The following C12orf75 variants were observed in gnomAD, a reference collection of about 807,000 sequenced individuals.
C12orf75 encodes chromosome 12 open reading frame 75.
In C12orf75, 4 loss-of-function variants were observed where a neutral mutation model predicts 11.4. The ratio of observed to expected loss-of-function variants is 0.35; its 90% CI spans 0.17 to 0.80. The LOEUF is 0.80. C12orf75 is among the 30% of genes least tolerant of loss of function. The pLI is 0.52. For missense variants in C12orf75, 89 were observed against 80.4 expected, an observed-to-expected ratio of 1.11 and a Z score of -0.41; for synonymous variants, 30 against 30.0, an observed-to-expected ratio of 1.00 and a Z score of 0.00.
chr12:105,331,087 C>A (rs924832591), intron 1 of C12orf75, 150 bp downstream of exon 1: 11 of 492,826 alleles, frequency 2.2e-5, no homozygotes, highest in Non-Finnish European at 3.5e-5. Flanking sequence ...CTGGAAAGAC[C>A]GAAAGCGTGG....
At chr12:105,366,100 T>G (rs1871466084) in intron 3 of C12orf75, 2 of 455,192 alleles carry the variant, frequency 4.4e-6, no homozygotes, top group African/African-American at 4.0e-5. Context: ...GGTGTGCTCT[T>G]CTCCCTAACT....
chr12:105,357,717 A>G lies in C12orf75; in HGVS notation c.72-8090A>G, dbSNP rs566743775. On this transcript the variant is annotated intron_variant, in intron 2 of 5. Transcript: ENST00000443585. ...TTGATCACCTGTTCTTTGATAAAAG[A>G]AGCTACATTTTTTTGCTAACAAAAG... is the stretch of plus-strand genomic sequence containing the variant. 3.3e-5 allele frequency among the ~76,000 whole-genome samples: 5 copies of G among 152,098 alleles called. No homozygotes were observed. In the East Asian group the frequency reaches 9.6e-4, roughly 29 times the overall value.
intron 1 of C12orf75, among the ~76,000 whole-genome samples, chr12:105,347,757 C>T (rs376814849): frequency 3.3e-5 from 5 of 152,176 alleles, no homozygotes; most frequent in Non-Finnish European, 5.9e-5. Context: ...ATCAAGTAGA[C>T]GCTCAGTATT....
rs113692026 is a variant in C12orf75 at position 105,364,789 on chromosome 12, C to A, written c.72-1018C>A. Among the ~76,000 whole-genome samples, 1,149 of 149,994 alleles carry A rather than the reference C, an allele frequency of 7.7e-3. 16 individuals carry two copies. Among genetic ancestry groups the A allele is most frequent in the African/African-American group, 0.027 (1,093 of 40,702 alleles). On this transcript the variant is annotated intron_variant, in intron 2 of 5. Transcript: ENST00000443585. ...CAACTAGTGCTTCAAGGAAAGTGTC[C>A]TGATTCTCTTAGAAATACGCCAAGG...
chr12:105,360,275 T>C (rs1224407675), intron 2 of C12orf75, among the ~76,000 whole-genome samples: 2 of 152,232 alleles, frequency 1.3e-5, no homozygotes, highest in Non-Finnish European at 2.9e-5. Flanking sequence ...CAATCACGGC[T>C]GCAGAGCATG....
intron 1 of C12orf75, among the ~76,000 whole-genome samples, chr12:105,344,964 G>GC (rs35063729): frequency 0.47 from 68,753 of 144,930 alleles, 16,609 homozygotes; most frequent in Non-Finnish European, 0.52. Flanking sequence ...AAAATTCTAA[G>GC]CCCCCCCCCA....
chr12:105,359,004 T>C (rs538193597), intron 2 of C12orf75, among the ~76,000 whole-genome samples: 1 of 152,300 alleles, frequency 6.6e-6, no homozygotes, highest in East Asian at 1.9e-4. Context: ...ATGGACTTAA[T>C]GTCTAGCATA....
At chr12:105,344,945 C>T (rs1226764335) in intron 1 of C12orf75, among the ~76,000 whole-genome samples, 3 of 146,972 alleles carry the variant, frequency 2.0e-5, no homozygotes, top group Non-Finnish European at 4.5e-5. Context: ...TCTTTTTAGA[C>T]GTAAGCTGAA....
chr12:105,368,304 A>T (rs1022508547), intron 5 of C12orf75, among the ~76,000 whole-genome samples: 4 of 152,128 alleles, frequency 2.6e-5, no homozygotes, highest in African/African-American at 9.7e-5. Context: ...CTGGTGAATG[A>T]CACCCAACCT....
At chr12:105,347,084 G>A (rs61939073) in intron 1 of C12orf75, among the ~76,000 whole-genome samples, 46,732 of 152,120 alleles carry the variant, frequency 0.31, 7,148 homozygotes, top group Non-Finnish European at 0.31. Context: ...GTTAAAGGAT[G>A]CTTAATACCA....
chr12:105,332,382 A>G (rs1892441370), intron 1 of C12orf75, among the ~76,000 whole-genome samples: 1 of 152,192 alleles, frequency 6.6e-6, no homozygotes, highest in African/African-American at 2.4e-5. Context: ...TGATTTATTA[A>G]TGAACTGCTT....
chr12:105,357,807 T>TGTGTGTGTGTGTGTGTGAGA (rs1491090986), intron 2 of C12orf75, among the ~76,000 whole-genome samples: 2 of 122,966 alleles, frequency 1.6e-5, no homozygotes, highest in South Asian at 2.8e-4. Flanking sequence ...TGTGTGTGTG[T>TGTGTGTGTGTGTGTGTGAGA]GAGAGAGAGA....
At chr12:105,333,809 C>T (rs1286408772) in intron 1 of C12orf75, among the ~76,000 whole-genome samples, 2 of 152,032 alleles carry the variant, frequency 1.3e-5, no homozygotes, top group African/African-American at 4.8e-5. Context: ...AGTGGTTTTC[C>T]TTGAATATTT....
chr12:105,363,438 G>T (rs1249030808), intron 2 of C12orf75, among the ~76,000 whole-genome samples: 1 of 152,212 alleles, frequency 6.6e-6, no homozygotes, highest in African/African-American at 2.4e-5. Context: ...TTAAAAGAGT[G>T]GATATCTGGC....
rs930267384 is a variant in C12orf75 at position 105,330,702 on chromosome 12, G to C, written c.-190G>C. The stretch of plus-strand genomic sequence containing the variant: ...GAGGGGTGCCGGGTGGTTTCCGCCC[G>C]GCAGCCCGCAGCCCGCTGCGCCCCG... On this transcript the variant is annotated 5_prime_UTR_variant, in exon 1 of 6. Transcript: ENST00000443585. 4 of 412,668 alleles carry C rather than the reference G, an allele frequency of 9.7e-6. No individual in the cohort carries two copies. The highest frequency in any genetic ancestry group is 1.5e-5 in the Non-Finnish European group (4 of 274,656). 25.6% of individuals were successfully genotyped at this position (412,668 alleles called of 1,614,324 possible).
At chr12:105,347,555 A>G in intron 1 of C12orf75, among the ~76,000 whole-genome samples, 1 of 152,206 alleles carries the variant, frequency 6.6e-6, no homozygotes, top group East Asian at 1.9e-4. Context: ...GAAGGCCAGA[A>G]AGCTCAGCAA....
chr12:105,362,369 A>G (rs2136150725), intron 2 of C12orf75, among the ~76,000 whole-genome samples: 1 of 112,096 alleles, frequency 8.9e-6, no homozygotes, highest in African/African-American at 3.8e-5. Context: ...TGGGCGACAG[A>G]GCGAGACTCC....
rs1377295396 is a variant in C12orf75, at chr12:105,370,581, C to T, written c.*34-53C>T. ...GGCTTAAGGCTAATACATTTTTTAA[C>T]CTAAGTTGTACCTGTTTGCTCACTC... On this transcript the variant is annotated intron_variant, in intron 5 of 5. Coordinates refer to ENST00000443585, the MANE Select transcript of C12orf75 (RefSeq NM_001145199.2). The T allele has an allele frequency of 1.7e-5, 8 of 457,464 alleles. No individual in the cohort carries two copies. In the East Asian group the frequency reaches 2.1e-4, roughly 12 times the overall value. The allele number at this position is 457,464 out of a possible 1,614,324, so 28.3% of individuals were successfully genotyped here.
chr12:105,370,379 C>T lies in C12orf75; in HGVS notation c.*34-255C>T, dbSNP rs535008986. Reference sequence around the variant, plus strand: ...TAATATACATGCAGCTAGGTTTGGGCATTGCTTATCAAGATGTATTTTAAT... The same window carrying T: ...TAATATACATGCAGCTAGGTTTGGGTATTGCTTATCAAGATGTATTTTAAT... On this transcript the variant is annotated intron_variant, in intron 5 of 5. Coordinates refer to ENST00000443585, the MANE Select transcript of C12orf75 (RefSeq NM_001145199.2). Among the ~76,000 whole-genome samples, 3 of 152,290 alleles carry T rather than the reference C, an allele frequency of 2.0e-5. No homozygotes were observed. In the South Asian group the frequency reaches 6.2e-4, roughly 32 times the overall value.
Sources: allele counts gnomAD v4.1 joint callset (sites outside exome capture counted in the v4.1 genomes callset), GRCh38; gene constraint gnomAD v4.1.1; transcripts MANE v1.5; gene names NCBI Gene and HGNC (gene_info 2026-07-23, HGNC 2026-07-21).